CDH20: variants seen among roughly 807,000 people sequenced by gnomAD.
CDH20 encodes cadherin-20.
A neutral mutation model predicts 74.2 loss-of-function variants in CDH20; 29 were observed. That is an observed-to-expected ratio of 0.39 (90% CI 0.29 to 0.53). The LOEUF is 0.53. CDH20 is among the 20% of genes least tolerant of loss of function. The pLI is 0.69. For missense variants in CDH20, 988 were observed against 1,048.3 expected, an observed-to-expected ratio of 0.94 and a Z score of 0.79; for synonymous variants, 469 against 405.4, an observed-to-expected ratio of 1.16 and a Z score of -1.88.
chr18:61,510,344 G>A (rs1185003329), intron 6 of CDH20, among the ~76,000 whole-genome samples: 2 of 152,128 alleles, frequency 1.3e-5, no homozygotes, highest in Non-Finnish European at 2.9e-5. Context: ...CATGAAGAAC[G>A]TGCTCCCAAG....
chr18:61,407,205 C>T lies in CDH20; in HGVS notation c.-153+73378C>T, dbSNP rs886302924. On this transcript the variant is annotated intron_variant, in intron 1 of 11. Coordinates refer to ENST00000262717, the MANE Select transcript of CDH20 (RefSeq NM_031891.4). ...GACAGTTTTGCAACTTGGAGCGAGG[C>T]ACCTGCCCTCCCACAGAAATGGGGA... Among the ~76,000 whole-genome samples, 4 of 152,302 alleles carry T rather than the reference C, an allele frequency of 2.6e-5. No homozygotes were observed. In the East Asian group the frequency reaches 7.7e-4, roughly 29 times the overall value.
chr18:61,416,055 A>T (rs1483704925), intron 1 of CDH20, among the ~76,000 whole-genome samples: 1 of 151,158 alleles, frequency 6.6e-6, no homozygotes, highest in East Asian at 1.9e-4. Flanking sequence ...AAAAAAAAAA[A>T]TATTAAGATC....
At chr18:61,505,017 T>C (rs956622513) in intron 5 of CDH20, among the ~76,000 whole-genome samples, 2 of 152,164 alleles carry the variant, frequency 1.3e-5, no homozygotes, top group Non-Finnish European at 2.9e-5. Flanking sequence ...ATGGACTTTG[T>C]ATTGCTTTGG....
intron 1 of CDH20, among the ~76,000 whole-genome samples, chr18:61,421,892 A>G (rs1288331314): frequency 1.3e-5 from 2 of 152,114 alleles, no homozygotes; most frequent in South Asian, 2.1e-4. Flanking sequence ...ATTAGTGTCA[A>G]TGAGGGGGGA....
chr18:61,423,687 A>T (rs1311597701), intron 1 of CDH20, among the ~76,000 whole-genome samples: 1 of 152,044 alleles, frequency 6.6e-6, no homozygotes, highest in Admixed American at 6.5e-5. Context: ...GCTTCTCTCC[A>T]GCCTTCACCC....
In CDH20 at chr18:61,551,594, C is replaced by A. The variant is rs576806345; in HGVS notation, c.1900+1365C>A. 3.3e-5 allele frequency among the ~76,000 whole-genome samples: 5 copies of A among 152,292 alleles called. No homozygotes were observed. The South Asian group carries it at 1.0e-3, about 32-fold the overall frequency. ...AGAGAGGAAGAGTATAAATAAGTAACCTTTCTAAGTTCTTGGATCCCTGTG... is the reference window on the plus strand; with the variant it reads ...AGAGAGGAAGAGTATAAATAAGTAAACTTTCTAAGTTCTTGGATCCCTGTG... On this transcript the variant is annotated intron_variant, in intron 11 of 11. Transcript: ENST00000262717.
chr18:61,512,014 G>A (rs1463759148), intron 6 of CDH20, among the ~76,000 whole-genome samples: 2 of 152,140 alleles, frequency 1.3e-5, no homozygotes, highest in Non-Finnish European at 2.9e-5. Context: ...TCTGCTCCAC[G>A]CCCATCTTCC....
At chr18:61,511,724 T>C (rs976039613) in intron 6 of CDH20, among the ~76,000 whole-genome samples, 3 of 152,210 alleles carry the variant, frequency 2.0e-5, no homozygotes, top group Admixed American at 2.0e-4. Context: ...AATCTCAAAA[T>C]GTGTTTTCTT....
Position 61,525,136 on chromosome 18 carries a change from G to C in CDH20, c.1018-2831G>C, listed in dbSNP as rs1223352748. Among the ~76,000 whole-genome samples, 4 of 152,070 alleles carry C rather than the reference G, an allele frequency of 2.6e-5. No individual in the cohort carries two copies. The East Asian group carries it at 7.7e-4, about 29-fold the overall frequency. Reference sequence around the variant, plus strand: ...TACAAAGGGGCACAGAGAGGGTCACGGGGGTTTTGAAACAGCTCTATAGCT... The same window carrying C: ...TACAAAGGGGCACAGAGAGGGTCACCGGGGTTTTGAAACAGCTCTATAGCT... On this transcript the variant is annotated intron_variant, in intron 6 of 11. Coordinates refer to ENST00000262717, the MANE Select transcript of CDH20 (RefSeq NM_031891.4).
At chr18:61,366,813 A>C (rs1050975091) in intron 1 of CDH20, among the ~76,000 whole-genome samples, 1 of 152,136 alleles carries the variant, frequency 6.6e-6, no homozygotes, top group African/African-American at 2.4e-5. Context: ...GTTGTAAAAA[A>C]ATCTCTTCCT....
At chr18:61,425,513 G>A (rs951674661) in intron 1 of CDH20, among the ~76,000 whole-genome samples, 1 of 152,170 alleles carries the variant, frequency 6.6e-6, no homozygotes, top group African/African-American at 2.4e-5. Context: ...GAGCACGTTT[G>A]TCCCAACTCA....
chr18:61,514,888 C>A (rs1328449278), intron 6 of CDH20, among the ~76,000 whole-genome samples: 4 of 151,646 alleles, frequency 2.6e-5, no homozygotes, highest in Non-Finnish European at 5.9e-5. Context: ...CTGGGAGAAC[C>A]ACTGCTCTCT....
chr18:61,402,898 T>C (rs552785824), intron 1 of CDH20, among the ~76,000 whole-genome samples: 1 of 152,328 alleles, frequency 6.6e-6, no homozygotes, highest in East Asian at 1.9e-4. Context: ...TTCAGCTGAA[T>C]CTAATTAGAA....
chr18:61,419,760 C>G (rs1912814859), intron 1 of CDH20, among the ~76,000 whole-genome samples: 1 of 152,078 alleles, frequency 6.6e-6, no homozygotes, highest in Non-Finnish European at 1.5e-5. Flanking sequence ...TTCAATTTAT[C>G]AATGTTTCTC....
intron 8 of CDH20, 113 bp from the exon 9 acceptor site, chr18:61,538,911 C>A: frequency 1.7e-6 from 2 of 1,178,372 alleles, no homozygotes; most frequent in Non-Finnish European, 1.2e-6. Context: ...GGATTACAGG[C>A]GTGAGCCACT....
chr18:61,522,408 A>G (rs1397980598), intron 6 of CDH20, among the ~76,000 whole-genome samples: 1 of 152,354 alleles, frequency 6.6e-6, no homozygotes, highest in East Asian at 1.9e-4. Context: ...GCTCAAGGAA[A>G]TAAGAGAGGA....
At chr18:61,398,851 G>A (rs1245442316) in intron 1 of CDH20, among the ~76,000 whole-genome samples, 1 of 152,156 alleles carries the variant, frequency 6.6e-6, no homozygotes, top group Non-Finnish European at 1.5e-5. Context: ...TGAGTTAGAA[G>A]GATATATTTA....
intron 1 of CDH20, among the ~76,000 whole-genome samples, chr18:61,428,750 C>T (rs1346269381): frequency 6.6e-6 from 1 of 152,202 alleles, no homozygotes; most frequent in Non-Finnish European, 1.5e-5. Context: ...GTTCCTGAAA[C>T]AGACTTTTCC....
chr18:61,368,016 T>G (rs1297947102), intron 1 of CDH20, among the ~76,000 whole-genome samples: 1 of 152,150 alleles, frequency 6.6e-6, no homozygotes, highest in Non-Finnish European at 1.5e-5. Context: ...CCTGATCACC[T>G]GTGCCAAGAA....
Sources: allele counts gnomAD v4.1 joint callset (sites outside exome capture counted in the v4.1 genomes callset), GRCh38; gene constraint gnomAD v4.1.1; transcripts MANE v1.5; gene names NCBI Gene and HGNC (gene_info 2026-07-23, HGNC 2026-07-21).